The following CHIC2 variants were observed in gnomAD, a reference collection of about 807,000 sequenced individuals.
CHIC2 encodes cysteine rich hydrophobic domain 2.
A neutral mutation model predicts 25.9 loss-of-function variants in CHIC2; 14 were observed. The observed-to-expected ratio is 0.54, with a 90% confidence interval of 0.36 to 0.85. The LOEUF (loss-of-function observed/expected upper bound fraction) is 0.85, where lower values mean the gene tolerates loss of function less well. Among genes scored for constraint, CHIC2 ranks in the 40% least tolerant of loss-of-function variants. The pLI is 0.01. For missense variants in CHIC2, 146 were observed against 202.0 expected (o/e 0.72, Z 1.68); for synonymous variants, 70 against 72.0 (o/e 0.97, Z 0.14).
At chr4:54,021,987 C>A (rs1715912630) in intron 3 of CHIC2, among the ~76,000 whole-genome samples, 1 of 152,082 alleles carries the variant, frequency 6.6e-6, no homozygotes, top group Admixed American at 6.6e-5. Flanking sequence ...TGAGACAAAC[C>A]CCAGCTACAT....
At chr4:54,091,298 G>C in the CHIC2 span, among the ~76,000 whole-genome samples, 1 of 152,134 alleles carries the variant, frequency 6.6e-6, no homozygotes, top group East Asian at 1.9e-4. Context: ...GGGTCTGCGC[G>C]GACAGAGGCA....
chr4:54,053,619 G>A (rs1013861558), intron 1 of CHIC2, among the ~76,000 whole-genome samples: 9 of 150,636 alleles, frequency 6.0e-5, no homozygotes, highest in African/African-American at 2.2e-4. Flanking sequence ...TTCCAGAAAT[G>A]TATCAAGAGA....
chr4:54,064,059 T>C lies in CHIC2; in HGVS notation c.119+123A>G, dbSNP rs1039407135. 2 of 761,158 alleles carry C rather than the reference T, an allele frequency of 2.6e-6. No homozygotes were observed. Among genetic ancestry groups the C allele is most frequent in the South Asian group, 3.4e-5 (2 of 58,428 alleles). 47.2% of individuals were successfully genotyped at this position (761,158 alleles called of 1,614,324 possible). A position where few individuals can be genotyped will look rare whatever the true frequency, so the allele number is the denominator to read the frequency against. ...GAAAATAAGCCAAGTTCTCACTTCCTGGTTGCCTACTCTTTCGGAAGGCCC... is the reference window on the plus strand; with the variant it reads ...GAAAATAAGCCAAGTTCTCACTTCCCGGTTGCCTACTCTTTCGGAAGGCCC... On this transcript the variant is annotated intron_variant, in intron 1 of 5. Coordinates refer to ENST00000263921, the MANE Select transcript of CHIC2 (RefSeq NM_012110.4). The surrounding 1 kb of genome is among the most constrained non-coding windows in gnomAD (Gnocchi z 4.2).
intron 3 of CHIC2, among the ~76,000 whole-genome samples, chr4:54,041,895 AAATGCCT>A (rs1196877828): frequency 1.3e-5 from 2 of 152,034 alleles, no homozygotes; most frequent in East Asian, 3.9e-4. Context: ...GCATTAGGAG[AAATGCCT>A]AATGTAGATG....
chr4:54,089,643 A>G, the CHIC2 span, among the ~76,000 whole-genome samples: 1 of 152,192 alleles, frequency 6.6e-6, no homozygotes, highest in Non-Finnish European at 1.5e-5. Context: ...CTGTGAAAAT[A>G]TTCCCTTCCA....
At chr4:54,038,706 A>G (rs1438267959) in intron 3 of CHIC2, among the ~76,000 whole-genome samples, 6 of 152,176 alleles carry the variant, frequency 3.9e-5, no homozygotes, top group Non-Finnish European at 7.3e-5. Context: ...GGCTCAATAT[A>G]CCTGATTTCA....
chr4:54,058,779 G>A (rs1454882025), intron 1 of CHIC2, among the ~76,000 whole-genome samples: 2 of 152,052 alleles, frequency 1.3e-5, no homozygotes, highest in Non-Finnish European at 2.9e-5. Context: ...AATATCCTGG[G>A]CCTTTAACCT....
the CHIC2 span, among the ~76,000 whole-genome samples, chr4:54,076,286 A>C: frequency 2.8e-5 from 4 of 145,378 alleles, no homozygotes; most frequent in East Asian, 3.9e-4. Context: ...AATCTGTCTC[A>C]AAAAAAAAAT....
the CHIC2 span, among the ~76,000 whole-genome samples, chr4:54,084,959 CAAAA>C: frequency 1.5e-4 from 9 of 58,928 alleles, 1 homozygote; most frequent in African/African-American, 4.3e-4. Flanking sequence ...TGCTCTGTCT[CAAAA>C]AAAAAAAAAA....
At chr4:54,016,119 G>A (rs1294674763) in intron 3 of CHIC2, among the ~76,000 whole-genome samples, 5 of 152,138 alleles carry the variant, frequency 3.3e-5, no homozygotes, top group African/African-American at 4.8e-5. Context: ...GATTTTGGGG[G>A]TGGGTGGATG....
At chr4:54,075,459 T>C in the CHIC2 span, among the ~76,000 whole-genome samples, 1 of 152,202 alleles carries the variant, frequency 6.6e-6, no homozygotes, top group Non-Finnish European at 1.5e-5. Context: ...CATTGGAGGA[T>C]ATTTGGATAT....
rs570429763 is a variant in CHIC2, at chr4:54,039,263, C to T, written c.330+9692G>A. On this transcript the variant is annotated intron_variant, in intron 3 of 5. Coordinates refer to ENST00000263921, the MANE Select transcript of CHIC2 (RefSeq NM_012110.4). ...TTCATCAAAAGCAAAAGCTTTTGTT[C>T]CGCCGAAGACATTGTTGGAGAATGA... Among the ~76,000 whole-genome samples, 6 of 152,188 alleles carry T rather than the reference C, an allele frequency of 3.9e-5. No individual in the cohort carries two copies. The South Asian group carries it at 1.2e-3, about 32-fold the overall frequency.
chr4:54,039,800 T>G (rs1234110984), intron 3 of CHIC2, among the ~76,000 whole-genome samples: 1 of 152,162 alleles, frequency 6.6e-6, no homozygotes, highest in Non-Finnish European at 1.5e-5. Flanking sequence ...TGTCTTCAAC[T>G]GATAAATGGA....
chr4:54,033,957 TC>T (rs1346459416), intron 3 of CHIC2, among the ~76,000 whole-genome samples: 1 of 152,118 alleles, frequency 6.6e-6, no homozygotes, highest in African/African-American at 2.4e-5. Context: ...AACTTTGTAT[TC>T]CCTTTTCAGA....
At chr4:54,089,892 A>G in the CHIC2 span, among the ~76,000 whole-genome samples, 2 of 152,240 alleles carry the variant, frequency 1.3e-5, no homozygotes, top group Non-Finnish European at 2.9e-5. Flanking sequence ...CACCAACATG[A>G]CATCACAAGT....
At chr4:54,078,637 T>A in the CHIC2 span, among the ~76,000 whole-genome samples, 1 of 151,984 alleles carries the variant, frequency 6.6e-6, no homozygotes, top group African/African-American at 2.4e-5. Context: ...GGCCTCAGCC[T>A]CCCAAGTAGC....
At chr4:54,047,584 G>T (rs995574373) in intron 3 of CHIC2, among the ~76,000 whole-genome samples, 21 of 148,914 alleles carry the variant, frequency 1.4e-4, no homozygotes, top group Admixed American at 1.1e-3. Context: ...TCACTCATAG[G>T]TGGGAATTGA....
intron 3 of CHIC2, among the ~76,000 whole-genome samples, chr4:54,024,043 G>C (rs1045036695): frequency 2.0e-5 from 3 of 152,186 alleles, no homozygotes; most frequent in African/African-American, 7.2e-5. Flanking sequence ...TAAACAAGCA[G>C]CTAGCGTTCC....
chr4:54,041,242 A>G (rs1039879630), intron 3 of CHIC2, among the ~76,000 whole-genome samples: 7 of 151,886 alleles, frequency 4.6e-5, no homozygotes, highest in African/African-American at 1.7e-4. Context: ...CTGCATATCA[A>G]GTATGCCTTT....
Sources: allele counts gnomAD v4.1 joint callset (sites outside exome capture counted in the v4.1 genomes callset), GRCh38; gene constraint gnomAD v4.1.1; non-coding constraint Gnocchi (gnomAD v3.1); transcripts MANE v1.5; gene names NCBI Gene and HGNC (gene_info 2026-07-23, HGNC 2026-07-21).